The following HDAC4 variants were observed in gnomAD, a reference collection of about 807,000 sequenced individuals.
HDAC4 encodes the protein histone deacetylase 4.
A neutral mutation model predicts 135.1 loss-of-function variants in HDAC4; 16 were observed. That is an observed-to-expected ratio of 0.12 (90% CI 0.08 to 0.18). HDAC4 has a LOEUF of 0.18. Among genes scored for constraint, HDAC4 ranks in the 10% least tolerant of loss-of-function variants. The pLI is 1.00. For missense variants in HDAC4, 1,143 were observed against 1,511.8 expected (o/e 0.76, Z 4.05); for synonymous variants, 685 against 653.4 (o/e 1.05, Z -0.74).
In HDAC4 at chr2:239,306,142, C is replaced by T. The variant is rs999321185; in HGVS notation, c.22+46536G>A. On this transcript the variant is annotated intron_variant, in intron 2 of 26. Coordinates refer to ENST00000543185, the MANE Select transcript of HDAC4 (RefSeq NM_001378414.1). The surrounding 1 kb of genome is among the most constrained non-coding windows in gnomAD (Gnocchi z 4.5). ...CTCGGTCAGCCTTGCTTCTAGAAAC[C>T]GAGGATTCTGGGTTTGGAGGCACCC... Among the ~76,000 whole-genome samples the T allele has an allele frequency of 2.0e-5, 3 of 152,180 alleles. No homozygotes were observed. Among genetic ancestry groups the T allele is most frequent in the African/African-American group, 7.2e-5 (3 of 41,446 alleles).
chr2:239,184,809 A>G (rs1157055696), intron 4 of HDAC4, among the ~76,000 whole-genome samples: 1 of 34,982 alleles, frequency 2.9e-5, no homozygotes, highest in African/African-American at 9.2e-5. Context: ...GGGGTCCCTC[A>G]GTGTCTGTCC....
chr2:239,155,779 C>T (rs1236564438), intron 7 of HDAC4, among the ~76,000 whole-genome samples: 3 of 152,164 alleles, frequency 2.0e-5, no homozygotes, highest in Non-Finnish European at 2.9e-5. Context: ...AGAGCCGCCC[C>T]CTAGGGAGGA....
At chr2:239,110,838 G>T (rs1380363650) in intron 14 of HDAC4, among the ~76,000 whole-genome samples, 1 of 152,224 alleles carries the variant, frequency 6.6e-6, no homozygotes, top group Non-Finnish European at 1.5e-5. Context: ...GCTGGGTGGC[G>T]GGGCGGCCCA....
intron 1 of HDAC4, among the ~76,000 whole-genome samples, chr2:239,393,773 T>C (rs1696383296): frequency 6.6e-6 from 1 of 152,136 alleles, no homozygotes; most frequent in African/African-American, 2.4e-5. Context: ...CCAAAGCCTC[T>C]TGTGGGCAGA....
intron 1 of HDAC4, among the ~76,000 whole-genome samples, chr2:239,391,076 C>T (rs1266984305): frequency 2.0e-5 from 3 of 152,158 alleles, no homozygotes; most frequent in East Asian, 1.9e-4. Flanking sequence ...GGCCTCGGCT[C>T]GGCCTCGATA....
intron 22 of HDAC4, among the ~76,000 whole-genome samples, chr2:239,073,636 A>C (rs569756487): frequency 6.6e-6 from 1 of 152,384 alleles, no homozygotes; most frequent in African/African-American, 2.4e-5. Context: ...TTCTGGTCCC[A>C]GAGTGAGAGG....
chr2:239,053,775 C>CAAAG (rs1371090269), intron 25 of HDAC4, among the ~76,000 whole-genome samples, 174 bp from the exon 26 acceptor site: 1 of 152,182 alleles, frequency 6.6e-6, no homozygotes, highest in Non-Finnish European at 1.5e-5. Flanking sequence ...TACAAACTCA[C>CAAAG]AAAGACCCAA....
intron 7 of HDAC4, among the ~76,000 whole-genome samples, chr2:239,149,757 C>T (rs539255321): frequency 6.6e-6 from 1 of 152,092 alleles, no homozygotes; most frequent in African/African-American, 2.4e-5. Flanking sequence ...CCTTGACTGA[C>T]GGTGACGGCA....
chr2:239,067,767 G>A (rs1434769348), intron 23 of HDAC4, among the ~76,000 whole-genome samples: 1 of 152,220 alleles, frequency 6.6e-6, no homozygotes, highest in African/African-American at 2.4e-5. Context: ...CCTGAGAGAC[G>A]GGCCCCTCCT....
intron 2 of HDAC4, among the ~76,000 whole-genome samples, chr2:239,243,079 T>C (rs1430920536): frequency 7.4e-6 from 1 of 135,740 alleles, no homozygotes; most frequent in Non-Finnish European, 1.6e-5. Flanking sequence ...GAGACCTCAG[T>C]CCCACATTTC....
intron 1 of HDAC4, among the ~76,000 whole-genome samples, chr2:239,372,227 TG>T (rs987701301): frequency 3.3e-5 from 5 of 152,084 alleles, no homozygotes; most frequent in African/African-American, 1.2e-4. Context: ...AGGCAGCAGG[TG>T]GGGAGTTTGT....
At chr2:239,175,792 T>A (rs1348573909) in intron 5 of HDAC4, among the ~76,000 whole-genome samples, 1 of 152,264 alleles carries the variant, frequency 6.6e-6, no homozygotes. Context: ...TGGCTTTTAA[T>A]ATTTTTAAGT....
At chr2:239,290,240 T>C (rs2051383115) in intron 2 of HDAC4, among the ~76,000 whole-genome samples, 1 of 152,240 alleles carries the variant, frequency 6.6e-6, no homozygotes, top group Non-Finnish European at 1.5e-5. Context: ...GACTTTACTC[T>C]TACCTAGTTC....
intron 2 of HDAC4, among the ~76,000 whole-genome samples, chr2:239,280,864 TACAATGTACACACCACTCTCCAC>T (rs1362540742): frequency 8.9e-4 from 131 of 147,378 alleles, no homozygotes; most frequent in Non-Finnish European, 1.5e-3. Flanking sequence ...TACACACCTC[TACAATGTACACACCACTCTCCAC>T]ACAATGTACA....
At chr2:239,152,127 C>T (rs1250881524) in intron 7 of HDAC4, among the ~76,000 whole-genome samples, 1 of 152,142 alleles carries the variant, frequency 6.6e-6, no homozygotes, top group Non-Finnish European at 1.5e-5. Context: ...AACTAAGATC[C>T]CTCAACATCA....
At chr2:239,177,022 T>C (rs2043819299) in intron 4 of HDAC4, among the ~76,000 whole-genome samples, 2 of 152,142 alleles carry the variant, frequency 1.3e-5, no homozygotes, top group African/African-American at 2.4e-5. Context: ...ACAAAAAGCC[T>C]GTACAAGAAT....
At chr2:239,223,672 G>T (rs539462802) in intron 3 of HDAC4, among the ~76,000 whole-genome samples, 130 of 152,150 alleles carry the variant, frequency 8.5e-4, no homozygotes, top group African/African-American at 3.1e-3. Flanking sequence ...CCTCATCATT[G>T]CTGTAATTAG....
intron 2 of HDAC4, among the ~76,000 whole-genome samples, chr2:239,336,934 G>A (rs1258732685): frequency 1.3e-5 from 2 of 152,184 alleles, no homozygotes; most frequent in Non-Finnish European, 2.9e-5. Context: ...ATCCCTCCTG[G>A]TGGTGACAGT....
At chr2:239,324,782 G>C (rs968001315) in intron 2 of HDAC4, among the ~76,000 whole-genome samples, 1 of 152,368 alleles carries the variant, frequency 6.6e-6, no homozygotes, top group South Asian at 2.1e-4. Flanking sequence ...GGGCGTGGGC[G>C]AGGTGCTGCT....
Sources: gnomAD v4.1 joint callset for allele counts (sites outside exome capture counted in the v4.1 genomes callset) on GRCh38, gnomAD v4.1.1 for gene constraint, Gnocchi (gnomAD v3.1) non-coding constraint, MANE v1.5 for transcripts, NCBI Gene and HGNC (gene_info 2026-07-23, HGNC 2026-07-21) for gene names.